Variants in LAMB4 observed in about 807,000 individuals in gnomAD.
LAMB4 encodes laminin subunit beta-4.
Under a neutral mutation model 199.2 loss-of-function variants are expected in LAMB4, and 196 were observed. The ratio of observed to expected loss-of-function variants is 0.98; its 90% CI spans 0.88 to 1.11. The LOEUF (loss-of-function observed/expected upper bound fraction) is 1.11, where lower values mean the gene tolerates loss of function less well. LAMB4 is among the 50% of genes least tolerant of loss of function. The pLI, the probability that LAMB4 is intolerant of heterozygous loss-of-function variation, is 0.00. For missense variants in LAMB4, 2,080 were observed against 2,171.2 expected, an observed-to-expected ratio of 0.96 and a Z score of 0.83; for synonymous variants, 744 against 770.6, an observed-to-expected ratio of 0.97 and a Z score of 0.57.
chr7:108,072,278 T>A (rs1040586249), intron 17 of LAMB4, among the ~76,000 whole-genome samples: 30 of 152,168 alleles, frequency 2.0e-4, no homozygotes, highest in African/African-American at 6.8e-4. Flanking sequence ...AAGCAGTGAT[T>A]CTACCTATGT....
At chr7:108,095,575 G>A (rs994385185) in intron 11 of LAMB4, among the ~76,000 whole-genome samples, 3 of 152,176 alleles carry the variant, frequency 2.0e-5, no homozygotes, top group African/African-American at 7.2e-5. Flanking sequence ...ATTAGGAGGA[G>A]GAGACAAGTA....
intron 33 of LAMB4, among the ~76,000 whole-genome samples, chr7:108,026,328 CT>C (rs1369157580): frequency 6.6e-6 from 1 of 152,204 alleles, no homozygotes; most frequent in African/African-American, 2.4e-5. Flanking sequence ...AGCGGAAGAA[CT>C]GATGTTGCAA....
intron 3 of LAMB4, among the ~76,000 whole-genome samples, chr7:108,114,388 G>A (rs2038339053): frequency 6.6e-6 from 1 of 152,142 alleles, no homozygotes; most frequent in South Asian, 2.1e-4. Flanking sequence ...GCAGTGAGCT[G>A]TGATCATGCT....
chr7:108,046,365 ACAG>A (rs2150516355), intron 28 of LAMB4, among the ~76,000 whole-genome samples: 1 of 151,482 alleles, frequency 6.6e-6, no homozygotes, highest in Admixed American at 6.6e-5. Flanking sequence ...TGCTGGGATT[ACAG>A]GTGTGAGCCA....
chr7:108,030,171 C>T (rs2034980373), intron 32 of LAMB4, among the ~76,000 whole-genome samples: 2 of 151,658 alleles, frequency 1.3e-5, no homozygotes, highest in Non-Finnish European at 2.9e-5. Context: ...AAAATGTTCT[C>T]AGTTCCTGTC....
chr7:108,103,413 ACT>A (rs1247856473), intron 9 of LAMB4, among the ~76,000 whole-genome samples, 181 bp from the exon 10 acceptor site: 3 of 152,096 alleles, frequency 2.0e-5, no homozygotes, highest in Admixed American at 6.5e-5. Context: ...TCGTTCTAAC[ACT>A]CTGATTCTGC....
At position 108,055,996 on chromosome 7, in the gene LAMB4, T is replaced by C. The variant is rs1401966731; in HGVS notation, c.3391A>G (p.Asn1131Asp). ...PPGRCIPCDC[N>D]RAGTQKPICD... ...ATGGGCTTCTGGGTACCTGCCCTGT[T>C]ACAATCACATGCTAAAAAGGAAAAC... The change falls in exon 25 of 34, where the codon AAC becomes GAC. Residue 1131 changes from asparagine (N) to aspartate (D), a missense_variant. Asn to Asp is a conservative substitution (Grantham distance 23). Coordinates refer to ENST00000388781, the MANE Select transcript of LAMB4 (RefSeq NM_007356.3). 6.2e-7 allele frequency: 1 copy of C among 1,606,688 alleles called. No homozygotes were observed. Among genetic ancestry groups the C allele is most frequent in the Non-Finnish European group, 8.5e-7 (1 of 1,175,648 alleles).
Position 108,094,176 on chromosome 7 carries a change from C to T in LAMB4, c.1470+1052G>A, listed in dbSNP as rs555015284. 2.6e-5 allele frequency among the ~76,000 whole-genome samples: 4 copies of T among 152,328 alleles called. No individual in the cohort carries two copies. In the East Asian group the frequency reaches 5.8e-4, roughly 22 times the overall value. On this transcript the variant is annotated intron_variant, in intron 12 of 33. Transcript: ENST00000388781. ...AGCAAAAGTGAGTCTGTACTGCACA[C>T]GTAGCAGTTAACCAGCCAGTGAAAA... is the stretch of plus-strand genomic sequence containing the variant.
intron 23 of LAMB4, among the ~76,000 whole-genome samples, chr7:108,059,907 C>T (rs960552765): frequency 4.6e-5 from 7 of 152,186 alleles, no homozygotes; most frequent in Non-Finnish European, 1.0e-4. Flanking sequence ...CTGTCTTTAT[C>T]ATATTAGCTT....
intron 11 of LAMB4, among the ~76,000 whole-genome samples, chr7:108,098,049 A>T (rs934260259): frequency 1.3e-5 from 2 of 152,122 alleles, no homozygotes; most frequent in African/African-American, 4.8e-5. Flanking sequence ...ATGATCATCA[A>T]TTTTTAGGGC....
intron 32 of LAMB4, 24 bp downstream of exon 32, chr7:108,030,782 G>T: frequency 6.2e-7 from 1 of 1,605,146 alleles, no homozygotes; most frequent in Non-Finnish European, 8.5e-7. Flanking sequence ...TTCTGCTCTT[G>T]GTGGCAGTGG....
chr7:108,095,392 G>A, intron 11 of LAMB4, 55 bp from the exon 12 acceptor site: 4 of 1,299,420 alleles, frequency 3.1e-6, no homozygotes, highest in Non-Finnish European at 4.4e-6. Context: ...ACTCTTGCAA[G>A]TGTACTTAAT....
intron 14 of LAMB4, 40 bp downstream of exon 14, chr7:108,091,586 A>C: frequency 6.3e-7 from 1 of 1,593,262 alleles, no homozygotes; most frequent in African/African-American, 1.3e-5. Context: ...CTGACATATC[A>C]TCAAACACAG....
intron 8 of LAMB4, 51 bp downstream of exon 8, chr7:108,105,766 C>T (rs769546649): frequency 4.1e-6 from 6 of 1,471,082 alleles, no homozygotes; most frequent in Non-Finnish European, 5.7e-6. Context: ...AGCACCAGGA[C>T]AGTGAAAGGC....
chr7:108,113,942 G>A (rs2038321602), intron 3 of LAMB4, among the ~76,000 whole-genome samples: 1 of 152,146 alleles, frequency 6.6e-6, no homozygotes, highest in South Asian at 2.1e-4. Context: ...ATATTTTGAG[G>A]TTTTTTCCAG....
Position 108,070,862 on chromosome 7 carries a change from G to A in LAMB4, c.2125-977C>T, listed in dbSNP as rs751256933. Among the ~76,000 whole-genome samples, 87 of 152,214 alleles carry A rather than the reference G, an allele frequency of 5.7e-4. 1 individual carries two copies. Among genetic ancestry groups the A allele is most frequent in the Middle Eastern group, 6.8e-3 (2 of 294 alleles). The stretch of plus-strand genomic sequence containing the variant: ...TTTACCAGTGTCTCCTCTTTCTGCT[G>A]TACTCTGAGCATATGTCGTTACCTC... On this transcript the variant is annotated intron_variant, in intron 17 of 33. Coordinates refer to ENST00000388781, the MANE Select transcript of LAMB4 (RefSeq NM_007356.3).
chr7:108,018,017 G>A, the LAMB4 span, among the ~76,000 whole-genome samples: 9 of 152,242 alleles, frequency 5.9e-5, no homozygotes, highest in Non-Finnish European at 1.2e-4. Context: ...TTGGTCCACT[G>A]TGCCCATGCA....
rs570696316 is a variant in LAMB4, at chr7:108,036,380, G to A, written c.4679+1008C>T. Among the ~76,000 whole-genome samples the A allele has an allele frequency of 4.6e-5, 7 of 151,932 alleles. No individual in the cohort carries two copies. In the South Asian group the frequency reaches 6.2e-4, roughly 14 times the overall value. On this transcript the variant is annotated intron_variant, in intron 30 of 33. Coordinates refer to ENST00000388781, the MANE Select transcript of LAMB4 (RefSeq NM_007356.3). ...ATTTTGTATTTTTAGGAAAGACAGC[G>A]TTTCTCCCTGTTGGTCAGGCTGGTC... is the stretch of plus-strand genomic sequence containing the variant.
At chr7:108,057,973 TA>T (rs748148943) in intron 23 of LAMB4, 45 bp from the exon 24 acceptor site, 1,550 of 1,258,544 alleles carry the variant, frequency 1.2e-3, no homozygotes, top group South Asian at 1.5e-3. Context: ...TTTTATGGTC[TA>T]AAAAAAAATG....
Sources: gnomAD v4.1 joint callset for allele counts (sites outside exome capture counted in the v4.1 genomes callset) on GRCh38, gnomAD v4.1.1 for gene constraint, MANE v1.5 for transcripts, NCBI Gene and HGNC (gene_info 2026-07-23, HGNC 2026-07-21) for gene names.